PTPRK: variants seen among roughly 807,000 people sequenced by gnomAD.
The protein encoded by PTPRK is protein tyrosine phosphatase receptor type K.
Under a neutral mutation model 178.0 loss-of-function variants are expected in PTPRK, and 75 were observed. The ratio of observed to expected loss-of-function variants is 0.42; its 90% CI spans 0.35 to 0.51. The LOEUF is 0.51. Among genes scored for constraint, PTPRK ranks in the 20% least tolerant of loss-of-function variants. PTPRK has a pLI of 0.02. For synonymous variants in PTPRK, 637 were observed against 620.6 expected, an observed-to-expected ratio of 1.03 and a Z score of -0.39; for missense variants, 1,441 against 1,797.8, an observed-to-expected ratio of 0.80 and a Z score of 3.59.
At chr6:128,256,573 G>A (rs1452623779) in intron 3 of PTPRK, among the ~76,000 whole-genome samples, 1 of 151,868 alleles carries the variant, frequency 6.6e-6, no homozygotes, top group Non-Finnish European at 1.5e-5. Flanking sequence ...GAGTAACTGG[G>A]ATTACAGTTG....
intron 1 of PTPRK, among the ~76,000 whole-genome samples, chr6:128,434,685 T>C (rs987095695): frequency 6.6e-6 from 1 of 152,216 alleles, no homozygotes; most frequent in African/African-American, 2.4e-5. Flanking sequence ...ATCTTTTTTA[T>C]GCTGGTCCAT....
chr6:128,274,927 A>G (rs1341608284), intron 3 of PTPRK, among the ~76,000 whole-genome samples: 1 of 152,050 alleles, frequency 6.6e-6, no homozygotes, highest in African/African-American at 2.4e-5. Context: ...AAATCATTCA[A>G]TAGAATCCTG....
At chr6:128,333,742 C>G (rs373438266) in intron 2 of PTPRK, among the ~76,000 whole-genome samples, 9 of 152,280 alleles carry the variant, frequency 5.9e-5, no homozygotes, top group South Asian at 4.1e-4. Context: ...TTCTTATCAT[C>G]TGGGTGTTCA....
At chr6:128,292,806 T>C (rs575092999) in intron 3 of PTPRK, among the ~76,000 whole-genome samples, 30 of 152,284 alleles carry the variant, frequency 2.0e-4, no homozygotes, top group African/African-American at 7.0e-4. Flanking sequence ...TAATTACTTA[T>C]AATTATTTTC....
chr6:128,506,616 C>T lies in PTPRK; in HGVS notation c.100+13643G>A, dbSNP rs187527052. Among the ~76,000 whole-genome samples, 7 of 140,402 alleles carry T rather than the reference C, an allele frequency of 5.0e-5. No homozygotes were observed. In the East Asian group the frequency reaches 1.5e-3, roughly 30 times the overall value. The allele number at this position is 140,402 out of a possible 152,430, so 92.1% of individuals were successfully genotyped here. On this transcript the variant is annotated intron_variant, in intron 1 of 29. Coordinates refer to ENST00000368226, the MANE Select transcript of PTPRK (RefSeq NM_002844.4). Reference sequence around the variant, plus strand: ...TTGAGGCCACAGAGAGCTATGTTCACACCACTGCATTCCAGTCTGGTTGAC... The same window carrying T: ...TTGAGGCCACAGAGAGCTATGTTCATACCACTGCATTCCAGTCTGGTTGAC...
chr6:128,445,255 T>TTATATATAATAGTATAAATAC (rs1258605941), intron 1 of PTPRK, among the ~76,000 whole-genome samples: 1 of 147,204 alleles, frequency 6.8e-6, no homozygotes, highest in African/African-American at 2.5e-5. Context: ...TATATATAAT[T>TTATATATAATAGTATAAATAC]TATATATAAT....
intron 7 of PTPRK, among the ~76,000 whole-genome samples, chr6:128,176,177 A>G (rs764039617): frequency 1.3e-5 from 2 of 151,946 alleles, no homozygotes; most frequent in Non-Finnish European, 2.9e-5. Flanking sequence ...ATGTGTGTGT[A>G]TATTCCTTGT....
chr6:128,476,617 C>G (rs569005511), intron 1 of PTPRK, among the ~76,000 whole-genome samples: 19 of 152,066 alleles, frequency 1.2e-4, no homozygotes, highest in Admixed American at 1.2e-3. Context: ...CTTAGTTCAA[C>G]AAGTGTATAC....
At chr6:128,378,392 C>T (rs1837406009) in intron 2 of PTPRK, among the ~76,000 whole-genome samples, 1 of 152,020 alleles carries the variant, frequency 6.6e-6, no homozygotes, top group South Asian at 2.1e-4. Context: ...CAGAGATGTA[C>T]ATACAAACAA....
intron 7 of PTPRK, among the ~76,000 whole-genome samples, chr6:128,091,917 G>A (rs1400524223): frequency 1.3e-5 from 2 of 152,126 alleles, no homozygotes; most frequent in South Asian, 4.1e-4. Flanking sequence ...AGACAGAGTA[G>A]CTCTGCATCC....
In PTPRK at chr6:128,353,826, CAT is replaced by C. The variant is rs374742503; in HGVS notation, c.224-31518_224-31517del. On this transcript the variant is annotated intron_variant, in intron 2 of 29. Transcript: ENST00000368226. ...TCGTGGTAGTTACTATGACTCTACACATGATAAAACTGGAAATAACACACATA... is the reference window on the plus strand; with the variant it reads ...TCGTGGTAGTTACTATGACTCTACACGATAAAACTGGAAATAACACACATA... Among the ~76,000 whole-genome samples, 591 of 152,278 alleles carry C rather than the reference CAT, an allele frequency of 3.9e-3. 3 individuals carry two copies. The highest frequency in any genetic ancestry group is 0.013 in the African/African-American group (551 of 41,562).
chr6:128,056,872 TAATG>T (rs1414913034), intron 13 of PTPRK, among the ~76,000 whole-genome samples: 2 of 152,216 alleles, frequency 1.3e-5, no homozygotes, highest in African/African-American at 4.8e-5. Context: ...AGCAAATAAT[TAATG>T]AATCAAGGTA....
intron 11 of PTPRK, among the ~76,000 whole-genome samples, chr6:128,068,953 G>C (rs1782321763): frequency 6.6e-6 from 1 of 151,430 alleles, no homozygotes; most frequent in South Asian, 2.1e-4. Flanking sequence ...GGAGGAGAGG[G>C]GGAGGGAGAA....
chr6:128,239,164 A>G (rs2128282884), intron 5 of PTPRK, among the ~76,000 whole-genome samples: 1 of 136,718 alleles, frequency 7.3e-6, no homozygotes, highest in African/African-American at 2.8e-5. Context: ...TGGCATTCTC[A>G]TGAATTTAAA....
intron 13 of PTPRK, among the ~76,000 whole-genome samples, chr6:128,053,669 G>A (rs1779430287): frequency 6.6e-6 from 1 of 152,246 alleles, no homozygotes; most frequent in East Asian, 1.9e-4. Context: ...ACATGGGGTT[G>A]TGCCACCCAC....
At chr6:128,198,105 A>C (rs924082435) in intron 6 of PTPRK, among the ~76,000 whole-genome samples, 1 of 152,178 alleles carries the variant, frequency 6.6e-6, no homozygotes, top group Non-Finnish European at 1.5e-5. Flanking sequence ...GGAGTGATCT[A>C]TACATATCAC....
At chr6:128,407,701 T>C (rs933171992) in intron 1 of PTPRK, among the ~76,000 whole-genome samples, 1 of 151,314 alleles carries the variant, frequency 6.6e-6, no homozygotes, top group Non-Finnish European at 1.5e-5. Context: ...ACTAAAGTAT[T>C]ATAAAACTCA....
chr6:128,166,866 T>A (rs1799482754), intron 7 of PTPRK, among the ~76,000 whole-genome samples: 2 of 151,746 alleles, frequency 1.3e-5, no homozygotes, highest in African/African-American at 4.8e-5. Flanking sequence ...TATATCCCTA[T>A]GTAAATATGT....
chr6:128,198,821 C>T (rs944718683), intron 6 of PTPRK, among the ~76,000 whole-genome samples: 1 of 152,192 alleles, frequency 6.6e-6, no homozygotes, highest in African/African-American at 2.4e-5. Context: ...CCTCTCTCTT[C>T]ACTTACTGAC....
Sources: allele counts gnomAD v4.1 joint callset (sites outside exome capture counted in the v4.1 genomes callset), GRCh38; gene constraint gnomAD v4.1.1; transcripts MANE v1.5; gene names NCBI Gene and HGNC (gene_info 2026-07-23, HGNC 2026-07-21).